XPR1: variants seen among roughly 807,000 people sequenced by gnomAD.
XPR1 encodes the protein xenotropic and polytropic retrovirus receptor 1, also known as solute carrier family 53 member 1.
A neutral mutation model predicts 87.5 loss-of-function variants in XPR1; 28 were observed. The observed-to-expected ratio is 0.32, with a 90% CI of 0.24 to 0.44. The LOEUF is 0.44. XPR1 is among the 20% of genes least tolerant of loss of function. The pLI is 1.00. For synonymous variants in XPR1, 300 were observed against 306.1 expected (o/e 0.98, Z 0.21); for missense variants, 559 against 862.3 (o/e 0.65, Z 4.41).
chr1:180,660,121 C>G (rs1250154259), intron 1 of XPR1, among the ~76,000 whole-genome samples: 1 of 152,074 alleles, frequency 6.6e-6, no homozygotes, highest in Non-Finnish European at 1.5e-5. Flanking sequence ...AGGAATTTAT[C>G]CATTTTCTCT....
chr1:180,764,127 G>A (rs894757346), intron 2 of XPR1, among the ~76,000 whole-genome samples: 1 of 152,196 alleles, frequency 6.6e-6, no homozygotes, highest in African/African-American at 2.4e-5. Context: ...TGATGGTGAT[G>A]CCAAACAACC....
chr1:180,737,837 T>A (rs1386928259), intron 2 of XPR1, among the ~76,000 whole-genome samples: 1 of 152,174 alleles, frequency 6.6e-6, no homozygotes, highest in African/African-American at 2.4e-5. Context: ...GGATATACCA[T>A]GATTTGTTTA....
At position 180,834,667 on chromosome 1, in the gene XPR1, C is replaced by G. The variant is rs1023721562; in HGVS notation, c.1135-207C>G. Among the ~76,000 whole-genome samples the G allele has an allele frequency of 7.2e-5, 11 of 152,176 alleles. No homozygotes were observed. The highest frequency in any genetic ancestry group is 1.5e-4 in the Non-Finnish European group (10 of 68,020). ...TATTCCTGCTTTTTTTCCTCCTTTA[C>G]TTCCTTTCTTAGTTATCCATTCAGC... On this transcript the variant is annotated intron_variant, in intron 9 of 14. Transcript: ENST00000367590.
At chr1:180,713,726 A>G (rs1413859056) in intron 2 of XPR1, among the ~76,000 whole-genome samples, 1 of 152,208 alleles carries the variant, frequency 6.6e-6, no homozygotes, top group Non-Finnish European at 1.5e-5. Context: ...GAGAAACCCC[A>G]CTTGGTCATT....
chr1:180,706,054 A>G (rs1657545570), intron 2 of XPR1, among the ~76,000 whole-genome samples: 1 of 152,238 alleles, frequency 6.6e-6, no homozygotes, highest in Non-Finnish European at 1.5e-5. Flanking sequence ...AAGATTTAGT[A>G]GAACACTTAA....
intron 2 of XPR1, among the ~76,000 whole-genome samples, chr1:180,682,714 C>CCCTCCTT (rs1471994050): frequency 3.3e-5 from 5 of 151,952 alleles, no homozygotes; most frequent in Non-Finnish European, 7.4e-5. Context: ...CCCTCCCCTC[C>CCCTCCTT]CCTCCTTCCT....
chr1:180,641,785 T>TA (rs1401113128), intron 1 of XPR1, among the ~76,000 whole-genome samples: 4 of 152,234 alleles, frequency 2.6e-5, no homozygotes, highest in Non-Finnish European at 5.9e-5. Flanking sequence ...GATGCCAAGA[T>TA]ACCTGGTCAG....
chr1:180,679,648 A>G (rs1656495183), intron 1 of XPR1, among the ~76,000 whole-genome samples: 1 of 152,176 alleles, frequency 6.6e-6, no homozygotes, highest in Non-Finnish European at 1.5e-5. Flanking sequence ...GAGAGATTAA[A>G]CTGCAGCCAT....
chr1:180,819,797 T>A (rs1288028179), intron 7 of XPR1, among the ~76,000 whole-genome samples: 1 of 152,004 alleles, frequency 6.6e-6, no homozygotes, highest in Non-Finnish European at 1.5e-5. Flanking sequence ...GCGGGTGGAT[T>A]GCCTGAGCTC....
intron 2 of XPR1, among the ~76,000 whole-genome samples, chr1:180,726,756 C>A (rs1347776890): frequency 2.0e-5 from 3 of 152,080 alleles, no homozygotes; most frequent in Non-Finnish European, 4.4e-5. Flanking sequence ...CTCTTCTCAC[C>A]ATTTTGGAGG....
rs554241703 is a variant in XPR1 at position 180,691,790 on chromosome 1, A to T, written c.121+9379A>T. On this transcript the variant is annotated intron_variant, in intron 2 of 14. Transcript: ENST00000367590. ...TCATTCTTATTATACGCTTCAATGG[A>T]CAGGGTCTACTTCAAGCATCTTCTT... Among the ~76,000 whole-genome samples the T allele has an allele frequency of 2.4e-4, 37 of 152,236 alleles. No homozygotes were observed. In the South Asian group the frequency reaches 7.7e-3, roughly 32 times the overall value.
chr1:180,690,711 C>G (rs1200144437), intron 2 of XPR1, among the ~76,000 whole-genome samples: 1 of 151,048 alleles, frequency 6.6e-6, no homozygotes, highest in African/African-American at 2.4e-5. Context: ...TTGATTAATT[C>G]TCTTTCTGGG....
chr1:180,880,254 T>C lies in XPR1; in HGVS notation c.1987T>C (p.Tyr663His), dbSNP rs1397040776. Residue 663 changes from tyrosine (Y) to histidine (H), a missense_variant, in exon 14 of 15, where the codon TAC becomes CAC. Tyr to His is a moderately conservative substitution (Grantham distance 83). Coordinates refer to ENST00000367590, the MANE Select transcript of XPR1 (RefSeq NM_004736.4). ...RNRQKNRSWK[Y>H]NQSISLRRPR... ...CCGCCAGAAGAATCGGTCATGGAAG[T>C]ACAACCAGAGCATATCCCTGCGCCG... 4 of 1,614,190 alleles carry C rather than the reference T, an allele frequency of 2.5e-6. No homozygotes were observed. In the South Asian group the frequency reaches 4.4e-5, roughly 18 times the overall value.
rs145639554 is a variant in XPR1 at position 180,633,022 on chromosome 1, A to G, written c.69+752A>G. Among the ~76,000 whole-genome samples, 442 of 152,300 alleles carry G rather than the reference A, an allele frequency of 2.9e-3. 3 individuals are homozygous for G. Among genetic ancestry groups the G allele is most frequent in the African/African-American group, 9.6e-3 (400 of 41,556 alleles). Reference sequence around the variant, plus strand: ...GAAAGGAGAGAAGAGAATTATTAACATTTTTTTATTTTCTGCTAAGTTTTT... The same window carrying G: ...GAAAGGAGAGAAGAGAATTATTAACGTTTTTTTATTTTCTGCTAAGTTTTT... On this transcript the variant is annotated intron_variant, in intron 1 of 14. Coordinates refer to ENST00000367590, the MANE Select transcript of XPR1 (RefSeq NM_004736.4).
rs2101993846 is a variant in XPR1, at chr1:180,718,484, A to G, written c.121+36073A>G. Among the ~76,000 whole-genome samples, 3 of 152,260 alleles carry G rather than the reference A, an allele frequency of 2.0e-5. No individual in the cohort carries two copies. In the Middle Eastern group the frequency reaches 0.01, roughly 518 times the overall value. ...TCATTAAATTTTGGAATTGAATGTTATGTAGCTACCACATAGGGACATTAG... is the reference window on the plus strand; with the variant it reads ...TCATTAAATTTTGGAATTGAATGTTGTGTAGCTACCACATAGGGACATTAG... On this transcript the variant is annotated intron_variant, in intron 2 of 14. Transcript: ENST00000367590.
intron 1 of XPR1, among the ~76,000 whole-genome samples, chr1:180,660,230 G>T (rs916816852): frequency 3.3e-5 from 5 of 151,906 alleles, no homozygotes; most frequent in Non-Finnish European, 2.9e-5. Flanking sequence ...TTTTATCTCT[G>T]ATTTTATTTA....
At position 180,886,631 on chromosome 1, in the gene XPR1, G is replaced by A. The variant is rs905781314; in HGVS notation, c.*2565G>A. ...TTATGTAACTTTCAGCTTGCTATGT[G>A]ACAGAAGTTTAAATGTGTATTTAAG... On this transcript the variant is annotated 3_prime_UTR_variant, in exon 15 of 15. Coordinates refer to ENST00000367590, the MANE Select transcript of XPR1 (RefSeq NM_004736.4). 3 of 152,216 alleles carry A rather than the reference G, an allele frequency of 2.0e-5. No individual in the cohort carries two copies. The highest frequency in any genetic ancestry group is 6.5e-5 in the Admixed American group (1 of 15,278). 9.4% of individuals were successfully genotyped at this position (152,216 alleles called of 1,614,324 possible).
At chr1:180,767,312 A>G (rs142051903) in intron 2 of XPR1, among the ~76,000 whole-genome samples, 1 of 152,346 alleles carries the variant, frequency 6.6e-6, no homozygotes, top group Non-Finnish European at 1.5e-5. Context: ...GAGTTTAGAT[A>G]TCATAGGCAT....
At chr1:180,762,027 A>C (rs1178314013) in intron 2 of XPR1, among the ~76,000 whole-genome samples, 2 of 151,144 alleles carry the variant, frequency 1.3e-5, no homozygotes, top group Non-Finnish European at 2.9e-5. Context: ...AAGGACAAAA[A>C]ACCAAACACC....
Sources: gnomAD v4.1 joint callset for allele counts (sites outside exome capture counted in the v4.1 genomes callset) on GRCh38, gnomAD v4.1.1 for gene constraint, MANE v1.5 for transcripts, NCBI Gene and HGNC (gene_info 2026-07-23, HGNC 2026-07-21) for gene names.